Variants in C11orf65 observed in about 807,000 individuals in gnomAD.
C11orf65 encodes chromosome 11 open reading frame 65.
C11orf65 carries 38 observed loss-of-function variants against 35.3 expected under a neutral mutation model. The ratio of observed to expected loss-of-function variants is 1.08; its 90% confidence interval spans 0.83 to 1.41. The LOEUF (loss-of-function observed/expected upper bound fraction) is 1.41, where lower values mean the gene tolerates loss of function less well. Among genes scored for constraint, C11orf65 ranks in the 40% most tolerant of loss-of-function variants. The probability of loss-of-function intolerance (pLI) is 0.00; values close to 1 mark genes in which losing one functional copy is unlikely to be tolerated. For synonymous variants in C11orf65, 105 were observed against 114.4 expected (o/e 0.92, Z 0.53); for missense variants, 370 against 367.1 (o/e 1.01, Z -0.06).
intron 2 of C11orf65, among the ~76,000 whole-genome samples, chr11:108,445,958 G>C (rs1441961109): frequency 6.6e-6 from 1 of 152,142 alleles, no homozygotes; most frequent in South Asian, 2.1e-4. Context: ...GCCGAGGCTC[G>C]AGAACTACGT....
intron 3 of C11orf65, among the ~76,000 whole-genome samples, chr11:108,411,634 G>A (rs2092658261): frequency 6.6e-6 from 1 of 152,062 alleles, no homozygotes; most frequent in Non-Finnish European, 1.5e-5. Context: ...TGGTAATTAT[G>A]TAAGTTTTTG....
intron 2 of C11orf65, chr11:108,345,942 T>G: frequency 2.5e-6 from 4 of 1,611,362 alleles, no homozygotes; most frequent in Non-Finnish European, 3.4e-6. Context: ...GATTGAGCAC[T>G]TTGTTGTTTG....
intron 2 of C11orf65, among the ~76,000 whole-genome samples, chr11:108,371,290 G>T (rs1261667562): frequency 1.3e-5 from 2 of 152,120 alleles, no homozygotes; most frequent in Admixed American, 1.3e-4. Flanking sequence ...CGGTTCAGTA[G>T]CGATAAAATA....
intron 6 of C11orf65, among the ~76,000 whole-genome samples, chr11:108,400,361 A>G (rs2092415870): frequency 6.6e-6 from 1 of 152,178 alleles, no homozygotes; most frequent in Non-Finnish European, 1.5e-5. Context: ...TATCCTACTA[A>G]GCCACCAAGG....
chr11:108,440,023 T>TA (rs2093125557), intron 2 of C11orf65, among the ~76,000 whole-genome samples: 1 of 152,154 alleles, frequency 6.6e-6, no homozygotes, highest in Non-Finnish European at 1.5e-5. Flanking sequence ...ACAAGAATAA[T>TA]AATGTCTCCT....
intron 2 of C11orf65, chr11:108,335,303 A>G: frequency 1.3e-6 from 2 of 1,492,516 alleles, no homozygotes; most frequent in Non-Finnish European, 1.8e-6. Flanking sequence ...CTGAAAGACA[A>G]TCATTATTAT....
chr11:108,424,388 A>G (rs973187727), intron 3 of C11orf65, among the ~76,000 whole-genome samples: 1 of 152,234 alleles, frequency 6.6e-6, no homozygotes, highest in African/African-American at 2.4e-5. Flanking sequence ...CAAAGCCTCC[A>G]AGAAATATGG....
chr11:108,358,204 G>A (rs2090261796), intron 2 of C11orf65, among the ~76,000 whole-genome samples: 1 of 151,648 alleles, frequency 6.6e-6, no homozygotes, highest in Non-Finnish European at 1.5e-5. Context: ...AGCGATGGAA[G>A]ATGAAATGAA....
intron 2 of C11orf65, among the ~76,000 whole-genome samples, chr11:108,439,614 T>A (rs1028253734): frequency 1.3e-5 from 2 of 152,238 alleles, no homozygotes; most frequent in African/African-American, 4.8e-5. Context: ...ATGTAGCATA[T>A]AGATATATAA....
chr11:108,428,213 G>A lies in C11orf65; in HGVS notation c.174+3533C>T, dbSNP rs1258778124. Among the ~76,000 whole-genome samples, 3 of 152,152 alleles carry A rather than the reference G, an allele frequency of 2.0e-5. No homozygotes were observed. In the East Asian group the frequency reaches 5.8e-4, roughly 29 times the overall value. On this transcript the variant is annotated intron_variant, in intron 3 of 8. Transcript: ENST00000393084. ...AGGAATGCTTTTACACTGTTGGTGG[G>A]AGTGTAAATTAGTTCTACCAGTTGT...
intron 2 of C11orf65, among the ~76,000 whole-genome samples, chr11:108,342,081 AT>A (rs1284707291): frequency 9.3e-5 from 14 of 150,350 alleles, no homozygotes; most frequent in African/African-American, 3.2e-4. Context: ...ACATTATGAG[AT>A]TTTTTTTGCA....
chr11:108,463,460 T>C (rs1194258671), intron 1 of C11orf65, among the ~76,000 whole-genome samples: 1 of 152,080 alleles, frequency 6.6e-6, no homozygotes, highest in Non-Finnish European at 1.5e-5. Flanking sequence ...GAAAAAAACT[T>C]ATGTCTTTTT....
chr11:108,452,524 A>T (rs2093361778), intron 2 of C11orf65, among the ~76,000 whole-genome samples: 2 of 152,216 alleles, frequency 1.3e-5, no homozygotes, highest in African/African-American at 4.8e-5. Flanking sequence ...GGATGTGGAG[A>T]AATAGGAACA....
At chr11:108,352,322 A>G (rs920128481) in intron 2 of C11orf65, among the ~76,000 whole-genome samples, 1 of 152,252 alleles carries the variant, frequency 6.6e-6, no homozygotes, top group Non-Finnish European at 1.5e-5. Context: ...TAGTCTCAGT[A>G]TAGAAGTAGA....
At chr11:108,342,241 A>G (rs1204146770) in intron 2 of C11orf65, among the ~76,000 whole-genome samples, 1 of 152,194 alleles carries the variant, frequency 6.6e-6, no homozygotes, top group Non-Finnish European at 1.5e-5. Context: ...CGAGTAGTTT[A>G]TTTCATTGCA....
chr11:108,356,365 G>A lies in C11orf65; in HGVS notation c.227-21073C>T, dbSNP rs190711723. Among the ~76,000 whole-genome samples, 11 of 152,022 alleles carry A rather than the reference G, an allele frequency of 7.2e-5. No homozygotes were observed. In the East Asian group the frequency reaches 9.7e-4, roughly 13 times the overall value. On this transcript the variant is annotated intron_variant, in intron 2 of 3. Transcript: ENST00000524755. ...AGTTTGGCCAACATGGTGAAACCCCGTCTCTAATAAAAATGCAAAAATTAG... is the reference window on the plus strand; with the variant it reads ...AGTTTGGCCAACATGGTGAAACCCCATCTCTAATAAAAATGCAAAAATTAG...
intron 2 of C11orf65, among the ~76,000 whole-genome samples, chr11:108,458,903 G>C (rs61913889): frequency 6.6e-6 from 1 of 151,724 alleles, no homozygotes; most frequent in Non-Finnish European, 1.5e-5. Context: ...ACAATTATGT[G>C]GGAAAAAAAA....
At chr11:108,457,970 A>G (rs1030552453) in intron 2 of C11orf65, among the ~76,000 whole-genome samples, 1 of 152,024 alleles carries the variant, frequency 6.6e-6, no homozygotes, top group Non-Finnish European at 1.5e-5. Context: ...AACAATTTTA[A>G]TCTGTCATAT....
intron 2 of C11orf65, among the ~76,000 whole-genome samples, chr11:108,441,046 G>A (rs1378187198): frequency 1.3e-5 from 2 of 152,214 alleles, no homozygotes; most frequent in African/African-American, 2.4e-5. Context: ...GGAAGTGCAA[G>A]GGGTTGGGGA....
Sources: gnomAD v4.1 joint callset for allele counts (sites outside exome capture counted in the v4.1 genomes callset) on GRCh38, gnomAD v4.1.1 for gene constraint, MANE v1.5 for transcripts, NCBI Gene and HGNC (gene_info 2026-07-23, HGNC 2026-07-21) for gene names.